GNG12: variants seen among roughly 807,000 people sequenced by gnomAD.
The protein encoded by GNG12 is guanine nucleotide-binding protein G(I)/G(S)/G(O) subunit gamma-12.
For synonymous variants in GNG12, 28 were observed against 29.7 expected, an observed-to-expected ratio of 0.94 and a Z score of 0.19; for missense variants, 69 against 83.8, an observed-to-expected ratio of 0.82 and a Z score of 0.69.
intron 1 of GNG12, among the ~76,000 whole-genome samples, chr1:67,826,462 T>G (rs1647011454): frequency 6.6e-6 from 1 of 152,254 alleles, no homozygotes. Flanking sequence ...AATCCATTCC[T>G]TCTGCTTCTT....
At chr1:67,817,081 G>T (rs918950257) in intron 1 of GNG12, among the ~76,000 whole-genome samples, 1 of 152,144 alleles carries the variant, frequency 6.6e-6, no homozygotes, top group African/African-American at 2.4e-5. Flanking sequence ...TGAAAAAAAG[G>T]CCACTGAATT....
intron 1 of GNG12, among the ~76,000 whole-genome samples, chr1:67,797,219 C>T (rs1229816979): frequency 1.3e-5 from 2 of 152,116 alleles, no homozygotes; most frequent in African/African-American, 4.8e-5. Flanking sequence ...GGGATTATAC[C>T]ATCATGAGTT....
At chr1:67,743,400 A>G (rs2100715724) in intron 2 of GNG12, among the ~76,000 whole-genome samples, 1 of 152,338 alleles carries the variant, frequency 6.6e-6, no homozygotes, top group Middle Eastern at 3.4e-3. Flanking sequence ...AACAATAAAA[A>G]CTGCATCTAA....
At chr1:67,814,673 T>G (rs1243273030) in intron 1 of GNG12, among the ~76,000 whole-genome samples, 3 of 152,246 alleles carry the variant, frequency 2.0e-5, no homozygotes, top group African/African-American at 4.8e-5. Context: ...TATGCTTTCA[T>G]GTTTTATATG....
intron 2 of GNG12, among the ~76,000 whole-genome samples, chr1:67,717,182 T>C (rs1570481244): frequency 6.6e-6 from 1 of 152,114 alleles, no homozygotes. Flanking sequence ...ATCCTCCCCA[T>C]GTTTATTCCT....
At chr1:67,801,104 A>G (rs147023711) in intron 1 of GNG12, among the ~76,000 whole-genome samples, 1 of 152,272 alleles carries the variant, frequency 6.6e-6, no homozygotes, top group African/African-American at 2.4e-5. Context: ...CCTAGAGCAG[A>G]ACAGAGAAGC....
At chr1:67,773,389 T>C (rs1003183257) in intron 2 of GNG12, among the ~76,000 whole-genome samples, 16 of 152,164 alleles carry the variant, frequency 1.1e-4, no homozygotes, top group South Asian at 2.1e-4. Flanking sequence ...CCCTATACTA[T>C]TGGATATTTC....
chr1:67,708,537 C>G (rs1419321650), intron 2 of GNG12, among the ~76,000 whole-genome samples: 2 of 152,214 alleles, frequency 1.3e-5, no homozygotes, highest in Non-Finnish European at 2.9e-5. Context: ...CTAGGCTGCC[C>G]TGCTGCCCTC....
At chr1:67,814,644 C>G (rs902682181) in intron 1 of GNG12, among the ~76,000 whole-genome samples, 2 of 152,302 alleles carry the variant, frequency 1.3e-5, no homozygotes, top group African/African-American at 4.8e-5. Context: ...TTCTGATTCT[C>G]GAGCTTTACA....
intron 2 of GNG12, among the ~76,000 whole-genome samples, chr1:67,741,325 T>C (rs1646481800): frequency 6.6e-6 from 1 of 152,232 alleles, no homozygotes. Flanking sequence ...CACCGCCTTC[T>C]TGTGTAAGGT....
intron 1 of GNG12, among the ~76,000 whole-genome samples, chr1:67,812,789 A>G (rs1019976100): frequency 1.3e-5 from 2 of 152,244 alleles, no homozygotes; most frequent in African/African-American, 4.8e-5. Flanking sequence ...TACAGTAGTC[A>G]TATTTCATAT....
At chr1:67,793,630 C>T (rs1243514796) in intron 1 of GNG12, among the ~76,000 whole-genome samples, 1 of 152,054 alleles carries the variant, frequency 6.6e-6, no homozygotes, top group Non-Finnish European at 1.5e-5. Context: ...GCATCCCTCT[C>T]GGGCTGTGCA....
chr1:67,730,927 T>A (rs1646415438), intron 2 of GNG12, among the ~76,000 whole-genome samples: 2 of 152,096 alleles, frequency 1.3e-5, no homozygotes, highest in Non-Finnish European at 2.9e-5. Flanking sequence ...CTATGAAATG[T>A]TGTGGTAATA....
At chr1:67,759,168 A>G (rs1646587788) in intron 2 of GNG12, among the ~76,000 whole-genome samples, 1 of 152,232 alleles carries the variant, frequency 6.6e-6, no homozygotes, top group South Asian at 2.1e-4. Context: ...ATTATACAAC[A>G]ATAAAAAATG....
At chr1:67,753,365 A>AC (rs397765533) in intron 2 of GNG12, among the ~76,000 whole-genome samples, 7 of 151,860 alleles carry the variant, frequency 4.6e-5, no homozygotes, top group Non-Finnish European at 8.8e-5. Flanking sequence ...AAAAAAAAAA[A>AC]CCTGAAATCT....
At chr1:67,757,485 A>C (rs1646576534) in intron 2 of GNG12, among the ~76,000 whole-genome samples, 1 of 152,158 alleles carries the variant, frequency 6.6e-6, no homozygotes, top group Admixed American at 6.5e-5. Flanking sequence ...CTAGCTCTTT[A>C]ATGACAAAGC....
At chr1:67,754,542 T>C (rs12753153) in intron 2 of GNG12, among the ~76,000 whole-genome samples, 65,602 of 152,106 alleles carry the variant, frequency 0.43, 15,655 homozygotes, top group South Asian at 0.55. Context: ...CCTGGATCAC[T>C]GTAGCACAGC....
At chr1:67,779,494 G>A (rs757129490) in intron 1 of GNG12, among the ~76,000 whole-genome samples, 8 of 150,060 alleles carry the variant, frequency 5.3e-5, no homozygotes, top group Non-Finnish European at 1.2e-4. Flanking sequence ...TCCCTCAGGC[G>A]CCTCACTGAC....
At chr1:67,747,362 T>C (rs1415948787) in intron 2 of GNG12, among the ~76,000 whole-genome samples, 1 of 152,150 alleles carries the variant, frequency 6.6e-6, no homozygotes, top group African/African-American at 2.4e-5. Context: ...TCAAGTGATC[T>C]GCCCGCCTCA....
Sources: gnomAD v4.1 joint callset for allele counts (sites outside exome capture counted in the v4.1 genomes callset) on GRCh38, gnomAD v4.1.1 for gene constraint, MANE v1.5 for transcripts, NCBI Gene and HGNC (gene_info 2026-07-23, HGNC 2026-07-21) for gene names.